ACOT2: variants seen among roughly 807,000 people sequenced by gnomAD.
ACOT2 encodes acyl-coenzyme A thioesterase 2, mitochondrial.
A neutral mutation model predicts 20.1 loss-of-function variants in ACOT2; 15 were observed. That is an observed-to-expected ratio of 0.75 (90% confidence interval 0.50 to 1.15). The LOEUF (loss-of-function observed/expected upper bound fraction) is 1.15, where lower values mean the gene tolerates loss of function less well. Ranked by LOEUF, ACOT2 falls within the 50% of genes most tolerant of loss-of-function variation. The pLI, the probability that ACOT2 is intolerant of heterozygous loss-of-function variation, is 0.00. For synonymous variants in ACOT2, 252 were observed against 268.4 expected, an observed-to-expected ratio of 0.94 and a Z score of 0.60; for missense variants, 479 against 615.3, an observed-to-expected ratio of 0.78 and a Z score of 2.34.
At chr14:73,570,803 G>A (rs1889718664) in intron 1 of ACOT2, among the ~76,000 whole-genome samples, 2 of 150,622 alleles carry the variant, frequency 1.3e-5, no homozygotes, top group Admixed American at 6.6e-5. Flanking sequence ...TACTTAGGAG[G>A]TTGAGGCAGG....
At chr14:73,570,654 T>C (rs1352719713) in intron 1 of ACOT2, among the ~76,000 whole-genome samples, 1 of 151,966 alleles carries the variant, frequency 6.6e-6, no homozygotes, top group Admixed American at 6.6e-5. Flanking sequence ...CCTGTAATCC[T>C]AGCGCTTTGG....
At position 73,569,766 on chromosome 14, in the gene ACOT2, C is replaced by T; in HGVS notation, c.526C>T (p.Pro176Ser). 6.2e-7 allele frequency: 1 copy of T among 1,608,116 alleles called. No homozygotes were observed. The highest frequency in any genetic ancestry group is 8.5e-7 in the Non-Finnish European group (1 of 1,178,154). Residue 176 changes from proline to serine, a missense_variant, in exon 1 of 3, where the codon CCC becomes TCC. By Grantham distance (74) the Pro-to-Ser change is moderately conservative (BLOSUM62 -1). Transcript: ENST00000238651. Reference protein sequence around the residue: ...VELEVLDGHDPDPGRLLCQTR... With the variant: ...VELEVLDGHDSDPGRLLCQTR... Reference sequence around the variant, plus strand: ...GCTGGAGGTGCTGGATGGCCACGACCCCGACCCCGGGCGGCTGCTGTGCCA... The same window carrying T: ...GCTGGAGGTGCTGGATGGCCACGACTCCGACCCCGGGCGGCTGCTGTGCCA...
At position 73,569,845 on chromosome 14, in the gene ACOT2, G is replaced by C. The variant is rs558607977; in HGVS notation, c.605G>C (p.Arg202Pro). ...CCCGGGGTGCGGCGCGAGCCGGTGCGCGTGGGCCGGGTGCGAGGCACGCTC... is the reference window on the plus strand; with the variant it reads ...CCCGGGGTGCGGCGCGAGCCGGTGCCCGTGGGCCGGGTGCGAGGCACGCTC... ...LPPGVRREPV[R>P]VGRVRGTLFL... The change falls in exon 1 of 3, where the codon CGC becomes CCC. Residue 202 changes from arginine (R) to proline (P), a missense_variant. Around this residue, in one of 4 missense-constraint regions of ACOT2, gnomAD observed 400 missense variants for 395.5 expected, o/e 1.01. Coordinates refer to ENST00000238651, the MANE Select transcript of ACOT2 (RefSeq NM_006821.6). The C allele has an allele frequency of 1.9e-6, 3 of 1,604,848 alleles. No individual in the cohort carries two copies. The South Asian group carries it at 3.3e-5, about 18-fold the overall frequency.
At chr14:73,569,909 G>A (rs61987137) in intron 1 of ACOT2, 26 bp downstream of exon 1, 1 of 1,591,188 alleles carries the variant, frequency 6.3e-7, no homozygotes, top group African/African-American at 1.3e-5. Context: ...TAATTGTTCC[G>A]TGTTCGTTCG....
upstream of ACOT2, chr14:73,567,740 G>A: frequency 6.6e-6 from 1 of 151,194 alleles, no homozygotes; most frequent in East Asian, 2.0e-4. Flanking sequence ...CACCGTGAAG[G>A]TATACAGCTT....
chr14:73,573,705 C>G lies in ACOT2; in HGVS notation c.846+115C>G, dbSNP rs1889813830. 4.0e-6 allele frequency: 5 copies of G among 1,240,726 alleles called. No individual in the cohort carries two copies. In the Admixed American group the frequency reaches 7.9e-5, roughly 19 times the overall value. The allele number at this position is 1,240,726 out of a possible 1,614,324, so 76.9% of individuals were successfully genotyped here. On this transcript the variant is annotated intron_variant, in intron 2 of 2. Coordinates refer to ENST00000238651, the MANE Select transcript of ACOT2 (RefSeq NM_006821.6). ...CAGCCATTCCCTACCCCAACACACA[C>G]TACCTTTTTTAGTCACTTCTTATAG... is the stretch of plus-strand genomic sequence containing the variant.
chr14:73,573,571 A>G lies in ACOT2; in HGVS notation c.827A>G (p.Tyr276Cys), dbSNP rs1337791824. The G allele has an allele frequency of 6.2e-7, 1 of 1,613,714 alleles. No individual in the cohort carries two copies. Among genetic ancestry groups the G allele is most frequent in the Non-Finnish European group, 8.5e-7 (1 of 1,179,726 alleles). Residue 276 changes from tyrosine (Y) to cysteine (C), a missense_variant, in exon 2 of 3, where the codon TAC becomes TGC. By Grantham distance (194) the Tyr-to-Cys change is radical. Transcript: ENST00000238651. ...GAGTACTTTGAAGAAGCCATGAACT[A>G]CTTGCTCAGTCATCCCGAGGTTAGT... is the stretch of plus-strand genomic sequence containing the variant. ...HLEYFEEAMN[Y>C]LLSHPEVKGP...
intron 1 of ACOT2, among the ~76,000 whole-genome samples, chr14:73,570,697 G>T (rs1262932876): frequency 6.6e-6 from 1 of 151,862 alleles, no homozygotes; most frequent in Non-Finnish European, 1.5e-5. Flanking sequence ...CTGAGGTCAG[G>T]AGTTCGAGAC....
chr14:73,569,893 C>T lies in ACOT2; in HGVS notation c.643+10C>T, dbSNP rs778820730. ...CTCTTCCTGCCGCCAGGTGACTCAC[C>T]TCCGCTAATTGTTCCGTGTTCGTTC... On this transcript the variant is annotated intron_variant, in intron 1 of 2. Transcript: ENST00000238651. 6.9e-6 allele frequency: 11 copies of T among 1,600,802 alleles called. 1 individual carries two copies. Among genetic ancestry groups the T allele is most frequent in the African/African-American group, 5.4e-5 (4 of 74,462 alleles).
chr14:73,573,908 G>A (rs957869663), intron 2 of ACOT2, among the ~76,000 whole-genome samples: 2 of 152,026 alleles, frequency 1.3e-5, no homozygotes, highest in African/African-American at 4.8e-5. Flanking sequence ...TGTATTTTTA[G>A]TGGAGGCGGG....
rs540297255 is a variant in ACOT2 at position 73,569,801 on chromosome 14, C to G, written c.561C>G (p.His187Gln). 30 of 1,603,162 alleles carry G rather than the reference C, an allele frequency of 1.9e-5. 1 individual carries two copies. Among genetic ancestry groups the G allele is most frequent in the Middle Eastern group, 1.9e-4 (1 of 5,324 alleles). Reference sequence around the variant, plus strand: ...GGCGGCTGCTGTGCCAGACGCGGCACGAGCGCTACTTCCTCCCGCCCGGGG... The same window carrying G: ...GGCGGCTGCTGTGCCAGACGCGGCAGGAGCGCTACTTCCTCCCGCCCGGGG... ...DPGRLLCQTR[H>Q]ERYFLPPGVR... The change falls in exon 1 of 3, where the codon CAC becomes CAG. Residue 187 changes from histidine to glutamine, a missense_variant. This residue lies in a region of ACOT2 where 400 missense variants were observed against 395.5 expected (regional missense o/e 1.01). Coordinates refer to ENST00000238651, the MANE Select transcript of ACOT2 (RefSeq NM_006821.6).
intron 1 of ACOT2, among the ~76,000 whole-genome samples, chr14:73,572,996 T>C (rs1201034612): frequency 1.3e-5 from 2 of 151,618 alleles, no homozygotes; most frequent in Non-Finnish European, 2.9e-5. Context: ...TTAATGTAAA[T>C]GATAAAAATA....
Position 73,574,894 on chromosome 14 carries a change from T to A in ACOT2, c.847-14T>A. 1 of 1,613,344 alleles carries A rather than the reference T, an allele frequency of 6.2e-7. No individual in the cohort carries two copies. The highest frequency in any genetic ancestry group is 8.5e-7 in the Non-Finnish European group (1 of 1,179,484). On this transcript the variant is annotated splice_polypyrimidine_tract_variant and intron_variant, in intron 2 of 2. Transcript: ENST00000238651. ...GGAATCATTCTTCTTCTTTTTCCTT[T>A]GTCCCTTTCTCAGGTAAAAGGTCCA...
intron 1 of ACOT2, among the ~76,000 whole-genome samples, chr14:73,570,611 AAAAAC>A (rs1190161967): frequency 6.6e-6 from 1 of 151,706 alleles, no homozygotes; most frequent in African/African-American, 2.4e-5. Flanking sequence ...CACTTATATT[AAAAAC>A]AAAACAGGCC....
intron 1 of ACOT2, 35 bp downstream of exon 1, chr14:73,569,918 C>T (rs771783708): frequency 1.9e-6 from 3 of 1,582,754 alleles, no homozygotes; most frequent in South Asian, 1.2e-5. Flanking sequence ...CGTGTTCGTT[C>T]GCCTTTCACT....
rs373787266 is a variant in ACOT2 at position 73,574,263 on chromosome 14, A to T, written c.847-645A>T. On this transcript the variant is annotated intron_variant, in intron 2 of 2. Transcript: ENST00000238651. ...TTATTATGCAATTTTAAATTCCAGT[A>T]TTTTTTTTTTTTTTTTTTTGAGATG... The T allele has an allele frequency of 7.6e-3, 822 of 107,482 alleles. 3 individuals are homozygous for T. The highest frequency in any genetic ancestry group is 0.027 in the African/African-American group (770 of 28,724). The allele number at this position is 107,482 out of a possible 1,614,324, so 6.7% of individuals were successfully genotyped here.
rs1374668546 is a variant in ACOT2 at position 73,569,552 on chromosome 14, G to A, written c.312G>A (p.Lys104=). 1.2e-5 allele frequency: 19 copies of A among 1,603,488 alleles called. 1 individual carries two copies. Among genetic ancestry groups the A allele is most frequent in the East Asian group, 2.2e-5 (1 of 44,682 alleles). ...VTLRASLRDE[K]GALFQAHARY... is the part of the protein sequence containing the mutation. The stretch of plus-strand genomic sequence containing the variant: ...TGCGCGCGTCCCTGCGCGACGAGAA[G>A]GGCGCGCTTTTCCAGGCCCACGCGC... Residue 104 remains lysine (K), a synonymous_variant, in exon 1 of 3, where the codon AAG becomes AAA. Coordinates refer to ENST00000238651, the MANE Select transcript of ACOT2 (RefSeq NM_006821.6).
At chr14:73,570,953 T>C (rs1411215991) in intron 1 of ACOT2, among the ~76,000 whole-genome samples, 1 of 150,138 alleles carries the variant, frequency 6.7e-6, no homozygotes, top group African/African-American at 2.4e-5. Flanking sequence ...AATGTTCTTA[T>C]TTATGTATTG....
intron 2 of ACOT2, 111 bp downstream of exon 2, chr14:73,573,701 C>T: frequency 1.6e-6 from 2 of 1,254,136 alleles, no homozygotes; most frequent in Non-Finnish European, 1.2e-6. Flanking sequence ...TACCCCAACA[C>T]ACACTACCTT....
Sources: gnomAD v4.1 joint callset for allele counts (sites outside exome capture counted in the v4.1 genomes callset) on GRCh38, gnomAD v4.1.1 for gene constraint, gnomAD v4.1.1 regional missense constraint, MANE v1.5 for transcripts, NCBI Gene and HGNC (gene_info 2026-07-23, HGNC 2026-07-21) for gene names.